The following RABGAP1L variants were observed in gnomAD, a reference collection of about 807,000 sequenced individuals.
RABGAP1L encodes RAB GTPase activating protein 1 like, also known as rab GTPase-activating protein 1-like.
A neutral mutation model predicts 137.7 loss-of-function variants in RABGAP1L; 63 were observed. The ratio of observed to expected loss-of-function variants is 0.46; its 90% CI spans 0.37 to 0.56. The LOEUF is 0.56. RABGAP1L is among the 20% of genes least tolerant of loss of function. RABGAP1L has a pLI of 0.00. For synonymous variants in RABGAP1L, 431 were observed against 433.7 expected, an observed-to-expected ratio of 0.99 and a Z score of 0.08; for missense variants, 1,095 against 1,244.0, an observed-to-expected ratio of 0.88 and a Z score of 1.80.
chr1:174,386,471 C>A (rs951841837), intron 12 of RABGAP1L, among the ~76,000 whole-genome samples: 2 of 151,562 alleles, frequency 1.3e-5, no homozygotes, highest in African/African-American at 2.4e-5. Context: ...AGAGCCAGAA[C>A]AGGGTGTGTG....
intron 13 of RABGAP1L, among the ~76,000 whole-genome samples, chr1:174,636,885 T>C (rs982679756): frequency 2.6e-5 from 4 of 152,228 alleles, no homozygotes; most frequent in African/African-American, 9.6e-5. Context: ...TTCCTTATGA[T>C]ATTGTTTGTT....
chr1:174,311,749 G>C lies in RABGAP1L; in HGVS notation c.1465+6622G>C, dbSNP rs541654432. ...AGCCTTCTGAGTAGCTGGGATTATG[G>C]GTGTCCAGCACCATGCCTGGCTAAT... On this transcript the variant is annotated intron_variant, in intron 11 of 25. Coordinates refer to ENST00000681986, the MANE Select transcript of RABGAP1L (RefSeq NM_001366446.1). Among the ~76,000 whole-genome samples, 4 of 152,224 alleles carry C rather than the reference G, an allele frequency of 2.6e-5. No homozygotes were observed. In the South Asian group the frequency reaches 8.3e-4, roughly 32 times the overall value.
chr1:174,662,361 C>T (rs546995674), intron 14 of RABGAP1L, among the ~76,000 whole-genome samples: 1 of 152,162 alleles, frequency 6.6e-6, no homozygotes, highest in African/African-American at 2.4e-5. Context: ...GCCTTGGCCT[C>T]CCAAAATGCT....
chr1:174,588,132 C>G (rs1669268082), intron 13 of RABGAP1L, among the ~76,000 whole-genome samples: 1 of 151,916 alleles, frequency 6.6e-6, no homozygotes, highest in Non-Finnish European at 1.5e-5. Flanking sequence ...TCCAAAAGTG[C>G]TGGGATTACA....
chr1:174,762,223 C>T (rs986984875), intron 18 of RABGAP1L, among the ~76,000 whole-genome samples: 1 of 152,192 alleles, frequency 6.6e-6, no homozygotes, highest in Non-Finnish European at 1.5e-5. Flanking sequence ...AATTTTGACA[C>T]AGTCCACATA....
At chr1:174,588,729 T>C (rs12082012) in intron 13 of RABGAP1L, among the ~76,000 whole-genome samples, 55,866 of 151,952 alleles carry the variant, frequency 0.37, 13,541 homozygotes, top group African/African-American at 0.69. Context: ...TTTTATTTCA[T>C]TTAACATAAT....
intron 11 of RABGAP1L, among the ~76,000 whole-genome samples, chr1:174,353,929 G>C (rs1683400346): frequency 1.3e-5 from 2 of 152,174 alleles, no homozygotes; most frequent in Admixed American, 1.3e-4. Context: ...CTTTTCAGCA[G>C]TACAAATAGA....
chr1:174,341,519 C>T (rs887338887), intron 11 of RABGAP1L, among the ~76,000 whole-genome samples: 1 of 152,048 alleles, frequency 6.6e-6, no homozygotes, highest in Non-Finnish European at 1.5e-5. Flanking sequence ...AAAACTTGAC[C>T]GCTTACTCAT....
At chr1:174,784,949 G>A (rs1687345597) in intron 18 of RABGAP1L, among the ~76,000 whole-genome samples, 1 of 152,114 alleles carries the variant, frequency 6.6e-6, no homozygotes, top group Non-Finnish European at 1.5e-5. Flanking sequence ...TTTTAAATAG[G>A]ACCCATTGTA....
At chr1:174,383,656 G>A (rs1039551958) in intron 12 of RABGAP1L, among the ~76,000 whole-genome samples, 8 of 152,068 alleles carry the variant, frequency 5.3e-5, no homozygotes, top group Admixed American at 2.6e-4. Context: ...GCTCGCGCAC[G>A]GTGCGCGCAC....
intron 13 of RABGAP1L, among the ~76,000 whole-genome samples, chr1:174,585,221 G>A (rs1669028913): frequency 6.6e-6 from 1 of 152,034 alleles, no homozygotes; most frequent in Non-Finnish European, 1.5e-5. Context: ...ATTTGTGGTT[G>A]TATTGTATTT....
intron 13 of RABGAP1L, among the ~76,000 whole-genome samples, chr1:174,527,901 C>CTTTTTTTT (rs57707616): frequency 2.4e-5 from 3 of 124,838 alleles, no homozygotes; most frequent in African/African-American, 9.4e-5. Flanking sequence ...ATATACTTGT[C>CTTTTTTTT]TTTTTTTTTT....
chr1:174,767,256 T>C (rs1685740710), intron 18 of RABGAP1L, among the ~76,000 whole-genome samples: 1 of 152,214 alleles, frequency 6.6e-6, no homozygotes, highest in African/African-American at 2.4e-5. Flanking sequence ...CATAAACCTC[T>C]TCAAATATTT....
chr1:174,715,777 G>C (rs747589022), intron 17 of RABGAP1L, among the ~76,000 whole-genome samples: 1 of 151,904 alleles, frequency 6.6e-6, no homozygotes, highest in Non-Finnish European at 1.5e-5. Context: ...TATCATTTTG[G>C]GTCTTTCAGT....
chr1:174,862,314 T>A (rs560046394), intron 19 of RABGAP1L, among the ~76,000 whole-genome samples: 1 of 152,214 alleles, frequency 6.6e-6, no homozygotes, highest in South Asian at 2.1e-4. Context: ...AAAATTTTTT[T>A]AAGCACAAAC....
chr1:174,423,504 A>G (rs1408743966), intron 13 of RABGAP1L, among the ~76,000 whole-genome samples: 2 of 152,130 alleles, frequency 1.3e-5, no homozygotes, highest in Non-Finnish European at 2.9e-5. Context: ...ACTGCATAAT[A>G]TTTCCAAAAT....
intron 12 of RABGAP1L, among the ~76,000 whole-genome samples, chr1:174,374,228 A>G (rs529651760): frequency 8.5e-5 from 13 of 152,260 alleles, no homozygotes; most frequent in Non-Finnish European, 1.9e-4. Flanking sequence ...AGGCTTAGGA[A>G]TTTACATGGA....
At position 174,803,449 on chromosome 1, in the gene RABGAP1L, A is replaced by G. The variant is rs550646283; in HGVS notation, c.2212-8383A>G. Among the ~76,000 whole-genome samples, 5 of 152,362 alleles carry G rather than the reference A, an allele frequency of 3.3e-5. No individual in the cohort carries two copies. The East Asian group carries it at 9.6e-4, about 29-fold the overall frequency. On this transcript the variant is annotated intron_variant, in intron 18 of 25. Coordinates refer to ENST00000681986, the MANE Select transcript of RABGAP1L (RefSeq NM_001366446.1). Reference sequence around the variant, plus strand: ...AGGAGATGCAAACATCCTAGACATCAGCTAACTGGTATTTCCCTTTTCTAA... The same window carrying G: ...AGGAGATGCAAACATCCTAGACATCGGCTAACTGGTATTTCCCTTTTCTAA...
chr1:174,929,753 A>AAAATAGATAAAT (rs1663442653), intron 19 of RABGAP1L, among the ~76,000 whole-genome samples: 1 of 140,794 alleles, frequency 7.1e-6, no homozygotes, highest in African/African-American at 2.7e-5. Context: ...GTCTCTACAA[A>AAAATAGATAAAT]AAATAAATAA....
Sources: allele counts gnomAD v4.1 joint callset (sites outside exome capture counted in the v4.1 genomes callset), GRCh38; gene constraint gnomAD v4.1.1; transcripts MANE v1.5; gene names NCBI Gene and HGNC (gene_info 2026-07-23, HGNC 2026-07-21).